ANKRD44: variants seen among roughly 807,000 people sequenced by gnomAD.
ANKRD44 encodes ankyrin repeat domain 44, also known as serine/threonine-protein phosphatase 6 regulatory ankyrin repeat subunit B.
ANKRD44 carries 35 observed loss-of-function variants against 116.0 expected under a neutral mutation model. The observed-to-expected ratio is 0.30, with a 90% confidence interval of 0.23 to 0.40. ANKRD44 has a LOEUF of 0.40. ANKRD44 is among the 10% of genes least tolerant of loss of function. The pLI, the probability that ANKRD44 is intolerant of heterozygous loss-of-function variation, is 1.00. For synonymous variants in ANKRD44, 435 were observed against 461.8 expected, an observed-to-expected ratio of 0.94 and a Z score of 0.74; for missense variants, 1,014 against 1,242.6, an observed-to-expected ratio of 0.82 and a Z score of 2.77.
rs573154151 is a variant in ANKRD44 at position 197,201,272 on chromosome 2, G to C, written c.28-14166C>G. 6.6e-6 allele frequency among the ~76,000 whole-genome samples: 1 copy of C among 152,218 alleles called. No individual in the cohort carries two copies. The highest frequency in any genetic ancestry group is 2.4e-5 in the African/African-American group (1 of 41,460). On this transcript the variant is annotated intron_variant, in intron 1 of 27. Transcript: ENST00000282272. This position sits in a 1 kb window ranked among gnomAD's most constrained non-coding sequence, Gnocchi z 4.0. ...CACGTGTGAAGACATAATCTTGACA[G>C]TCATATTACAGAAAATAAGGGAGTG...
Position 197,220,187 on chromosome 2 carries a change from C to A in ANKRD44, c.28-33081G>T, listed in dbSNP as rs186486555. Among the ~76,000 whole-genome samples, 658 of 152,250 alleles carry A rather than the reference C, an allele frequency of 4.3e-3. 3 individuals carry two copies. The highest frequency in any genetic ancestry group is 6.8e-3 in the Non-Finnish European group (462 of 68,008). On this transcript the variant is annotated intron_variant, in intron 1 of 27. Transcript: ENST00000282272. The stretch of plus-strand genomic sequence containing the variant: ...CCTTTCTTTGTGGCAGGCCTTAATT[C>A]CCTCACAGCTTTTATTTCTTCTTTA...
chr2:196,977,857 T>C (rs188124642), intron 21 of ANKRD44, among the ~76,000 whole-genome samples: 1 of 152,228 alleles, frequency 6.6e-6, no homozygotes, highest in African/African-American at 2.4e-5. Flanking sequence ...CCTAGGTATA[T>C]ACACAAGAAA....
intron 2 of ANKRD44, among the ~76,000 whole-genome samples, chr2:197,163,678 C>T (rs1233614844): frequency 6.6e-6 from 1 of 152,080 alleles, no homozygotes; most frequent in African/African-American, 2.4e-5. Context: ...AGAAGGTTAA[C>T]ACCAGGCTGG....
rs940890880 is a variant in ANKRD44, at chr2:197,212,252, G to A, written c.28-25146C>T. Reference sequence around the variant, plus strand: ...GTGGGAGCACACTGGCACCAAACACGAAAGTCATCTGGCCTCTGAAACTGG... The same window carrying A: ...GTGGGAGCACACTGGCACCAAACACAAAAGTCATCTGGCCTCTGAAACTGG... On this transcript the variant is annotated intron_variant, in intron 1 of 27. Coordinates refer to ENST00000282272, the MANE Select transcript of ANKRD44 (RefSeq NM_001195144.2). This position sits in a 1 kb window ranked among gnomAD's most constrained non-coding sequence, Gnocchi z 4.8. Among the ~76,000 whole-genome samples the A allele has an allele frequency of 2.0e-5, 3 of 152,274 alleles. No homozygotes were observed. The highest frequency in any genetic ancestry group is 1.9e-4 in the East Asian group (1 of 5,174).
chr2:197,236,079 C>T (rs112477088), intron 1 of ANKRD44, among the ~76,000 whole-genome samples: 23 of 152,188 alleles, frequency 1.5e-4, no homozygotes, highest in South Asian at 1.0e-3. Flanking sequence ...AGATGAAAAC[C>T]GGATAAATGC....
chr2:197,301,927 C>A (rs1190810363), intron 1 of ANKRD44, among the ~76,000 whole-genome samples: 1 of 152,124 alleles, frequency 6.6e-6, no homozygotes, highest in Non-Finnish European at 1.5e-5. Flanking sequence ...TAAAGAAAGG[C>A]AGACAGGAAA....
chr2:197,305,967 T>TTATATATATATATATATATATATA (rs374313668), intron 1 of ANKRD44, among the ~76,000 whole-genome samples: 102 of 124,662 alleles, frequency 8.2e-4, no homozygotes, highest in African/African-American at 3.1e-3. Flanking sequence ...GCAGTTCGTT[T>TTATATATATATATATATATATATA]TATATATATA....
rs530452464 is a variant in ANKRD44, at chr2:197,177,266, G to C, written c.111+9757C>G. ...AAAAGTTTTAATTGATTTTTAGCTT[G>C]AGCAAAACTAATAATCCATTTTCCA... On this transcript the variant is annotated intron_variant, in intron 2 of 27. Transcript: ENST00000282272. Among the ~76,000 whole-genome samples the C allele has an allele frequency of 2.6e-5, 4 of 152,210 alleles. No homozygotes were observed. In the East Asian group the frequency reaches 7.7e-4, roughly 29 times the overall value.
At chr2:197,062,391 T>A (rs1367324504) in intron 16 of ANKRD44, among the ~76,000 whole-genome samples, 1 of 152,228 alleles carries the variant, frequency 6.6e-6, no homozygotes, top group Admixed American at 6.5e-5. Flanking sequence ...TTAAGCGCAT[T>A]GATTTTTACT....
chr2:196,979,369 C>G (rs1480271290), intron 21 of ANKRD44, among the ~76,000 whole-genome samples: 4 of 113,200 alleles, frequency 3.5e-5, no homozygotes, highest in Non-Finnish European at 5.0e-5. Context: ...GGCGACAGAG[C>G]GAGACTCCGT....
At chr2:197,252,760 T>C (rs2105672779) in intron 1 of ANKRD44, among the ~76,000 whole-genome samples, 1 of 152,300 alleles carries the variant, frequency 6.6e-6, no homozygotes, top group African/African-American at 2.4e-5. Context: ...TAAATCTTTA[T>C]AAGAACCATA....
chr2:196,977,348 T>C (rs566179141), intron 21 of ANKRD44, among the ~76,000 whole-genome samples: 5 of 152,236 alleles, frequency 3.3e-5, no homozygotes, highest in Non-Finnish European at 5.9e-5. Flanking sequence ...AGTGGTTTTC[T>C]AGATATGACA....
intron 7 of ANKRD44, among the ~76,000 whole-genome samples, chr2:197,122,046 G>A (rs1157627472): frequency 6.6e-6 from 1 of 152,160 alleles, no homozygotes; most frequent in African/African-American, 2.4e-5. Context: ...TCACCAGGTT[G>A]CATTTTAGTA....
chr2:197,137,908 CA>C (rs2079259122), intron 3 of ANKRD44, among the ~76,000 whole-genome samples: 1 of 152,174 alleles, frequency 6.6e-6, no homozygotes, highest in Non-Finnish European at 1.5e-5. Flanking sequence ...ACAGTAAAAT[CA>C]GTTTGGGTGT....
chr2:197,287,047 C>T lies in ANKRD44; in HGVS notation c.27+23531G>A, dbSNP rs113042465. Among the ~76,000 whole-genome samples, 27 of 152,146 alleles carry T rather than the reference C, an allele frequency of 1.8e-4. 1 individual carries two copies. The highest frequency in any genetic ancestry group is 6.5e-4 in the African/African-American group (27 of 41,484). ...ATGTCATTATACATTTGTCAAAACC[C>T]ACAGAACGTACAACACCAAGAGTGA... On this transcript the variant is annotated intron_variant, in intron 1 of 27. Transcript: ENST00000282272.
intron 21 of ANKRD44, chr2:196,967,515 G>T: frequency 2.3e-6 from 1 of 425,970 alleles, no homozygotes; most frequent in Non-Finnish European, 5.0e-6. Flanking sequence ...TGCATTTTTC[G>T]GTAAAAAAGA....
At chr2:197,056,192 C>A (rs2077199504) in intron 16 of ANKRD44, among the ~76,000 whole-genome samples, 1 of 152,046 alleles carries the variant, frequency 6.6e-6, no homozygotes. Context: ...AAGTCTAAGT[C>A]CCCAGGTTGT....
At chr2:197,121,687 G>T in intron 7 of ANKRD44, 143 bp from the exon 8 acceptor site, 1 of 752,594 alleles carries the variant, frequency 1.3e-6, no homozygotes, top group Non-Finnish European at 2.2e-6. Context: ...TTGCCCCAGT[G>T]TGGTCATCTT....
At chr2:197,119,813 CA>C (rs954520308) in intron 8 of ANKRD44, among the ~76,000 whole-genome samples, 10 of 152,294 alleles carry the variant, frequency 6.6e-5, no homozygotes, top group African/African-American at 1.9e-4. Flanking sequence ...GGTCTCCTAG[CA>C]CAGCTAAGGA....
Sources: gnomAD v4.1 joint callset for allele counts (sites outside exome capture counted in the v4.1 genomes callset) on GRCh38, gnomAD v4.1.1 for gene constraint, Gnocchi (gnomAD v3.1) non-coding constraint, MANE v1.5 for transcripts, NCBI Gene and HGNC (gene_info 2026-07-23, HGNC 2026-07-21) for gene names.